The following CYLC2 variants were observed in gnomAD, a reference collection of about 807,000 sequenced individuals.
CYLC2 encodes cylicin-2.
Under a neutral mutation model 26.1 loss-of-function variants are expected in CYLC2, and 30 were observed. That is an observed-to-expected ratio of 1.15 (90% CI 0.86 to 1.56). The LOEUF (loss-of-function observed/expected upper bound fraction) is 1.56, where lower values mean the gene tolerates loss of function less well. CYLC2 is among the 40% of genes most tolerant of loss of function. CYLC2 has a pLI of 0.00. For missense variants in CYLC2, 498 were observed against 394.4 expected, an observed-to-expected ratio of 1.26 and a Z score of -2.23; for synonymous variants, 158 against 132.8, an observed-to-expected ratio of 1.19 and a Z score of -1.31.
chr9:103,003,350 TTAAG>T, intron 3 of CYLC2, 87 bp downstream of exon 3: 2 of 1,188,856 alleles, frequency 1.7e-6, no homozygotes, highest in East Asian at 5.1e-5. Flanking sequence ...ATAATTAGTC[TTAAG>T]TAATCACTAA....
At chr9:103,000,032 C>G (rs907493946) in intron 1 of CYLC2, among the ~76,000 whole-genome samples, 1 of 151,550 alleles carries the variant, frequency 6.6e-6, no homozygotes, top group African/African-American at 2.4e-5. Flanking sequence ...TTCCTAGTTT[C>G]AATGGAGAGA....
intron 1 of CYLC2, 64 bp downstream of exon 1, chr9:102,995,461 A>G: frequency 1.7e-6 from 2 of 1,195,192 alleles, no homozygotes; most frequent in Non-Finnish European, 2.5e-6. Flanking sequence ...TAACTTCTTT[A>G]GTATGAAGAG....
At chr9:103,006,657 G>T (rs1829354901) in intron 5 of CYLC2, among the ~76,000 whole-genome samples, 1 of 151,862 alleles carries the variant, frequency 6.6e-6, no homozygotes, top group Non-Finnish European at 1.5e-5. Flanking sequence ...CTCGTGATCC[G>T]CCCGTCTCGG....
chr9:103,010,943 C>A (rs534525363), intron 5 of CYLC2: 5 of 152,008 alleles, frequency 3.3e-5, no homozygotes, highest in South Asian at 2.1e-4. Flanking sequence ...GACTAAGAAG[C>A]AGGATGTAAA....
intron 6 of CYLC2, 110 bp downstream of exon 6, chr9:103,012,207 C>T (rs1416186038): frequency 6.6e-6 from 1 of 152,422 alleles, no homozygotes; most frequent in Non-Finnish European, 1.5e-5. Context: ...GTGATCTGCT[C>T]ACCTTGGCCT....
In CYLC2 at chr9:103,004,720, G is replaced by A. The variant is rs1203712790; in HGVS notation, c.206G>A (p.Gly69Glu). Residue 69 changes from glycine (G) to glutamate (E), a missense_variant, in exon 4 of 8, where the codon GGA becomes GAA. Transcript: ENST00000374798. ...VSIIDEEQLR[G>E]DRRQPLWMYR... ...ATAATTGATGAAGAACAATTAAGAG[G>A]AGATCGTAGACAACCATTATGGATG... 1.9e-6 allele frequency: 3 copies of A among 1,600,874 alleles called. No individual in the cohort carries two copies. Among genetic ancestry groups the A allele is most frequent in the East Asian group, 4.5e-5 (2 of 44,748 alleles).
At chr9:102,997,193 G>A (rs1311638505) in intron 1 of CYLC2, among the ~76,000 whole-genome samples, 2 of 151,820 alleles carry the variant, frequency 1.3e-5, no homozygotes, top group Admixed American at 6.6e-5. Flanking sequence ...TGGAATAGAG[G>A]ATTAGTAGGT....
chr9:103,003,561 G>A lies in CYLC2; in HGVS notation c.180+298G>A, dbSNP rs867820740. 1.1e-4 allele frequency among the ~76,000 whole-genome samples: 17 copies of A among 152,264 alleles called. No individual in the cohort carries two copies. The South Asian group carries it at 1.9e-3, about 17-fold the overall frequency. ...TTAAAGTAAATTCACATGTGGCTAT[G>A]AAATGCCCTACTGAACAGCACAGTT... is the stretch of plus-strand genomic sequence containing the variant. On this transcript the variant is annotated intron_variant, in intron 3 of 7. Coordinates refer to ENST00000374798, the MANE Select transcript of CYLC2 (RefSeq NM_001340.5).
At position 102,996,989 on chromosome 9, in the gene CYLC2, T is replaced by C. The variant is rs867336897; in HGVS notation, c.17+1592T>C. 2.6e-5 allele frequency among the ~76,000 whole-genome samples: 4 copies of C among 151,948 alleles called. No individual in the cohort carries two copies. The South Asian group carries it at 6.2e-4, about 24-fold the overall frequency. On this transcript the variant is annotated intron_variant, in intron 1 of 7. Coordinates refer to ENST00000374798, the MANE Select transcript of CYLC2 (RefSeq NM_001340.5). Reference sequence around the variant, plus strand: ...AAAATTTGGTGTGAGATAGGGTATCTAAATATATGAACATTTAAAATTCCA... The same window carrying C: ...AAAATTTGGTGTGAGATAGGGTATCCAAATATATGAACATTTAAAATTCCA...
chr9:102,999,918 T>C (rs1263131847), intron 1 of CYLC2, among the ~76,000 whole-genome samples: 1 of 151,800 alleles, frequency 6.6e-6, no homozygotes, highest in Non-Finnish European at 1.5e-5. Flanking sequence ...ATCTGTAATA[T>C]GCATTTTTAG....
chr9:103,005,660 AAAG>A lies in CYLC2; in HGVS notation c.1036_1038del (p.Lys346del), dbSNP rs772111575. On this transcript the variant is annotated inframe_deletion, in exon 5 of 8. Transcript: ENST00000374798. ...CAAAGAAGGATGAAAAGAAGGATGC[AAAG>A]AAGAAGGGCAAGTAGGCCTTGGATA... 9 of 1,610,050 alleles carry A rather than the reference AAAG, an allele frequency of 5.6e-6. No individual in the cohort carries two copies. Among genetic ancestry groups the A allele is most frequent in the African/African-American group, 1.3e-5 (1 of 74,528 alleles).
chr9:103,015,367 T>G lies in CYLC2; in HGVS notation c.*817-1521T>G, dbSNP rs1025082519. On this transcript the variant is annotated intron_variant, in intron 6 of 7. Transcript: ENST00000374798. ...ATATATATTATATATAATCATATTA[T>G]ATAATGTAATATATATTAAATATAT... 1.2e-4 allele frequency among the ~76,000 whole-genome samples: 13 copies of G among 105,314 alleles called. No individual in the cohort carries two copies. In the East Asian group the frequency reaches 3.3e-3, roughly 27 times the overall value. 69.1% of individuals were successfully genotyped at this position (105,314 alleles called of 152,430 possible). A position where few individuals can be genotyped will look rare whatever the true frequency, so the allele number is the denominator to read the frequency against.
At chr9:103,009,715 C>G (rs925409335) in intron 5 of CYLC2, among the ~76,000 whole-genome samples, 1 of 151,918 alleles carries the variant, frequency 6.6e-6, no homozygotes, top group Non-Finnish European at 1.5e-5. Context: ...CTTCAATTCC[C>G]CACTACCTTT....
In CYLC2 at chr9:103,005,793, AT is replaced by A. The variant is rs1829341230; in HGVS notation, c.*120del. 8.6e-7 allele frequency: 1 copy of A among 1,159,242 alleles called. No homozygotes were observed. Among genetic ancestry groups the A allele is most frequent in the South Asian group, 1.6e-5 (1 of 60,812 alleles). The allele number at this position is 1,159,242 out of a possible 1,614,324, so 71.8% of individuals were successfully genotyped here. A position where few individuals can be genotyped will look rare whatever the true frequency, so the allele number is the denominator to read the frequency against. Reference sequence around the variant, plus strand: ...ACAAGAGGCCTCAAAGAATTAAATAATTTTTAAAAGGTGGTAAAGAAGGATA... The same window carrying A: ...ACAAGAGGCCTCAAAGAATTAAATAATTTTAAAAGGTGGTAAAGAAGGATA... On this transcript the variant is annotated 3_prime_UTR_variant, in exon 5 of 8. Transcript: ENST00000374798.
chr9:103,015,488 A>G (rs1829493615), intron 6 of CYLC2, among the ~76,000 whole-genome samples: 1 of 138,598 alleles, frequency 7.2e-6, no homozygotes, highest in Admixed American at 7.7e-5. Flanking sequence ...ATTATATGTA[A>G]TTATATAACA....
At chr9:103,001,516 G>T in intron 1 of CYLC2, 62 bp from the exon 2 acceptor site, 3 of 990,476 alleles carry the variant, frequency 3.0e-6, no homozygotes, top group South Asian at 2.9e-5. Context: ...GTAAAATAAT[G>T]ACAGTTTAAA....
intron 1 of CYLC2, among the ~76,000 whole-genome samples, chr9:103,000,660 T>C (rs947629925): frequency 3.9e-5 from 6 of 152,120 alleles, no homozygotes; most frequent in African/African-American, 1.2e-4. Context: ...GCTGCTAGCT[T>C]CATTCTTTAG....
At position 102,997,209 on chromosome 9, in the gene CYLC2, G is replaced by A. The variant is rs996276353; in HGVS notation, c.17+1812G>A. ...GGAATAGAGGATTAGTAGGTGCTGG[G>A]GGTAGGGGAGATCCAGCATTCTGTC... On this transcript the variant is annotated intron_variant, in intron 1 of 7. Transcript: ENST00000374798. Among the ~76,000 whole-genome samples, 8 of 151,758 alleles carry A rather than the reference G, an allele frequency of 5.3e-5. No homozygotes were observed. In the Admixed American group the frequency reaches 5.3e-4, roughly 10 times the overall value.
intron 6 of CYLC2, among the ~76,000 whole-genome samples, chr9:103,015,322 C>A (rs1194295589): frequency 3.3e-5 from 4 of 122,400 alleles, no homozygotes; most frequent in African/African-American, 1.3e-4. Flanking sequence ...TTATATATAA[C>A]ATATACAATA....
Sources: gnomAD v4.1 joint callset for allele counts (sites outside exome capture counted in the v4.1 genomes callset) on GRCh38, gnomAD v4.1.1 for gene constraint, MANE v1.5 for transcripts, NCBI Gene and HGNC (gene_info 2026-07-23, HGNC 2026-07-21) for gene names.